The following BRINP3 variants were observed in gnomAD, a reference collection of about 807,000 sequenced individuals.
The protein encoded by BRINP3 is BMP/retinoic acid inducible neural specific 3, also known as BMP/retinoic acid-inducible neural-specific protein 3.
BRINP3 carries 19 observed loss-of-function variants against 71.0 expected under a neutral mutation model. The observed-to-expected ratio is 0.27, with a 90% CI of 0.19 to 0.39. The LOEUF (loss-of-function observed/expected upper bound fraction) is 0.39. Ranked by LOEUF, BRINP3 falls within the 10% of genes least tolerant of loss-of-function variation. BRINP3 has a pLI of 1.00. For missense variants in BRINP3, 959 were observed against 940.8 expected (o/e 1.02, Z -0.25); for synonymous variants, 380 against 337.7 (o/e 1.13, Z -1.37).
At chr1:190,228,740 G>A (rs898050152) in intron 5 of BRINP3, among the ~76,000 whole-genome samples, 1 of 151,658 alleles carries the variant, frequency 6.6e-6, no homozygotes, top group Non-Finnish European at 1.5e-5. Context: ...AGATAGCTTG[G>A]CCTGCTCTGA....
At chr1:190,137,669 G>C (rs1033852486) in intron 7 of BRINP3, among the ~76,000 whole-genome samples, 2 of 152,028 alleles carry the variant, frequency 1.3e-5, no homozygotes, top group African/African-American at 4.8e-5. Flanking sequence ...CATTTGATCT[G>C]GCAATTAGAT....
At chr1:190,285,239 G>A (rs1262515018) in intron 2 of BRINP3, among the ~76,000 whole-genome samples, 1 of 152,044 alleles carries the variant, frequency 6.6e-6, no homozygotes, top group Non-Finnish European at 1.5e-5. Context: ...GATATGAATC[G>A]AAATTCCCAG....
chr1:190,395,994 CAAGGAAGG>C lies in BRINP3; in HGVS notation c.236+58653_236+58660del, dbSNP rs147370224. The stretch of plus-strand genomic sequence containing the variant: ...GGAAAGAAGGAAGGAAGGAAGGAAG[CAAGGAAGG>C]AAGGAAGGAGGGAAAAGGAAAGGAT... On this transcript the variant is annotated intron_variant, in intron 2 of 7. Transcript: ENST00000367462. 3.3e-5 allele frequency among the ~76,000 whole-genome samples: 5 copies of C among 149,418 alleles called. No individual in the cohort carries two copies. In the South Asian group the frequency reaches 6.3e-4, roughly 19 times the overall value.
chr1:190,435,300 C>T (rs1035586577), intron 2 of BRINP3, among the ~76,000 whole-genome samples: 28 of 152,126 alleles, frequency 1.8e-4, no homozygotes, highest in African/African-American at 6.5e-4. Flanking sequence ...ATACTTCAAA[C>T]TTTTGACACT....
intron 5 of BRINP3, among the ~76,000 whole-genome samples, chr1:190,226,847 C>T (rs1414630321): frequency 6.6e-6 from 1 of 151,804 alleles, no homozygotes; most frequent in Non-Finnish European, 1.5e-5. Flanking sequence ...TTCTATTTTT[C>T]AAGAGTGAGT....
chr1:190,424,903 C>T (rs1673604919), intron 2 of BRINP3, among the ~76,000 whole-genome samples: 1 of 151,474 alleles, frequency 6.6e-6, no homozygotes, highest in Admixed American at 6.6e-5. Context: ...GATGACATGG[C>T]CTGTTTGAAA....
chr1:190,356,209 T>G (rs1220741445), intron 2 of BRINP3, among the ~76,000 whole-genome samples: 2 of 152,000 alleles, frequency 1.3e-5, no homozygotes, highest in African/African-American at 2.4e-5. Context: ...GGGTTAACTC[T>G]AAATTTGAGC....
intron 2 of BRINP3, among the ~76,000 whole-genome samples, chr1:190,385,161 T>C (rs1025072215): frequency 6.6e-6 from 1 of 152,012 alleles, no homozygotes; most frequent in Non-Finnish European, 1.5e-5. Flanking sequence ...ATTCAGAACA[T>C]AGGCATGGGC....
chr1:190,187,683 C>T (rs1039471498), intron 6 of BRINP3, among the ~76,000 whole-genome samples: 1 of 152,104 alleles, frequency 6.6e-6, no homozygotes, highest in African/African-American at 2.4e-5. Context: ...AAGTAGTTCA[C>T]TGTAAATGCA....
intron 1 of BRINP3, among the ~76,000 whole-genome samples, chr1:190,473,404 G>A (rs899465262): frequency 2.0e-5 from 3 of 151,760 alleles, no homozygotes; most frequent in Non-Finnish European, 4.4e-5. Context: ...AAAAATTATT[G>A]ATCAGGGATC....
At chr1:190,188,194 T>C (rs1017017582) in intron 6 of BRINP3, among the ~76,000 whole-genome samples, 2 of 152,152 alleles carry the variant, frequency 1.3e-5, no homozygotes, top group Admixed American at 6.6e-5. Flanking sequence ...ATAGAAATGC[T>C]ACTGATTTCT....
At chr1:190,245,323 T>G (rs1287364302) in intron 4 of BRINP3, among the ~76,000 whole-genome samples, 1 of 151,830 alleles carries the variant, frequency 6.6e-6, no homozygotes, top group Non-Finnish European at 1.5e-5. Flanking sequence ...AGGAACTTAT[T>G]ATCAGTAAAA....
intron 5 of BRINP3, among the ~76,000 whole-genome samples, chr1:190,231,156 A>G (rs1329403121): frequency 6.6e-6 from 1 of 151,772 alleles, no homozygotes; most frequent in Non-Finnish European, 1.5e-5. Context: ...TTGAAAACAC[A>G]TGGCTTGAAG....
At chr1:190,177,483 G>A (rs541984782) in intron 6 of BRINP3, among the ~76,000 whole-genome samples, 2 of 151,712 alleles carry the variant, frequency 1.3e-5, no homozygotes, top group East Asian at 2.0e-4. Context: ...CGGCCCGGGA[G>A]CACCTACTTC....
intron 2 of BRINP3, among the ~76,000 whole-genome samples, chr1:190,334,496 G>T (rs1292365689): frequency 6.6e-6 from 1 of 151,674 alleles, no homozygotes; most frequent in Non-Finnish European, 1.5e-5. Context: ...GCTGGAGGGA[G>T]ATGGGTGTAT....
At chr1:190,343,251 G>A (rs1558199268) in intron 2 of BRINP3, among the ~76,000 whole-genome samples, 2 of 151,798 alleles carry the variant, frequency 1.3e-5, no homozygotes, top group African/African-American at 2.4e-5. Flanking sequence ...GGTTTGAAGA[G>A]GTAAATATTT....
At chr1:190,373,523 C>T (rs1392422651) in intron 2 of BRINP3, among the ~76,000 whole-genome samples, 1 of 149,670 alleles carries the variant, frequency 6.7e-6, no homozygotes, top group East Asian at 2.0e-4. Context: ...CATATTTATA[C>T]CAATGATCTT....
At chr1:190,187,499 T>G (rs1255352684) in intron 6 of BRINP3, among the ~76,000 whole-genome samples, 3 of 152,098 alleles carry the variant, frequency 2.0e-5, no homozygotes, top group Non-Finnish European at 1.5e-5. Flanking sequence ...CTCCTATTAG[T>G]TTCATAATTT....
intron 2 of BRINP3, among the ~76,000 whole-genome samples, chr1:190,299,950 T>A (rs1167023756): frequency 3.3e-5 from 5 of 152,116 alleles, no homozygotes; most frequent in African/African-American, 1.2e-4. Context: ...CCTTTGAGGT[T>A]AACCTGACCC....
Sources: allele counts gnomAD v4.1 joint callset (sites outside exome capture counted in the v4.1 genomes callset), GRCh38; gene constraint gnomAD v4.1.1; transcripts MANE v1.5; gene names NCBI Gene and HGNC (gene_info 2026-07-23, HGNC 2026-07-21).